PDE11A: variants seen among roughly 807,000 people sequenced by gnomAD.
PDE11A encodes dual 3',5'-cyclic-AMP and -GMP phosphodiesterase 11A.
In PDE11A, 100 loss-of-function variants were observed where a neutral mutation model predicts 100.5. The observed-to-expected ratio is 1.00, with a 90% CI of 0.85 to 1.18. The LOEUF (loss-of-function observed/expected upper bound fraction) is 1.18. Ranked by LOEUF, PDE11A falls within the 50% of genes most tolerant of loss-of-function variation. PDE11A has a pLI of 0.00. For synonymous variants in PDE11A, 381 were observed against 420.8 expected (o/e 0.91, Z 1.16); for missense variants, 1,141 against 1,152.6 (o/e 0.99, Z 0.15).
intron 12 of PDE11A, among the ~76,000 whole-genome samples, chr2:177,722,739 T>G (rs1208250495): frequency 1.3e-5 from 2 of 152,176 alleles, no homozygotes; most frequent in Non-Finnish European, 2.9e-5. Context: ...AATTAAAAAT[T>G]TGCCATCTTG....
chr2:177,984,380 G>T (rs2085917442), intron 2 of PDE11A, among the ~76,000 whole-genome samples: 1 of 152,170 alleles, frequency 6.6e-6, no homozygotes, highest in Admixed American at 6.5e-5. Flanking sequence ...AGATAGGGGT[G>T]AATGGCATAC....
chr2:178,108,277 T>TC (rs955979935), exon 1 of PDE11A: 1 of 152,198 alleles, frequency 6.6e-6, no homozygotes, highest in African/African-American at 2.4e-5. Context: ...CTGGCCAGAG[T>TC]CCACGCCTCA....
In PDE11A at chr2:177,711,920, C is replaced by T. The variant is rs372425317; in HGVS notation, c.2044-42G>A. 9.1e-5 allele frequency: 92 copies of T among 1,005,508 alleles called. 1 individual carries two copies. Among genetic ancestry groups the T allele is most frequent in the East Asian group, 7.9e-4 (33 of 41,820 alleles). The allele number at this position is 1,005,508 out of a possible 1,614,324, so 62.3% of individuals were successfully genotyped here. Reference sequence around the variant, plus strand: ...AATGGCAACAGTCACTACTGGGGTACGGAGGATGGATAAGGTTAGGTGCTG... The same window carrying T: ...AATGGCAACAGTCACTACTGGGGTATGGAGGATGGATAAGGTTAGGTGCTG... On this transcript the variant is annotated intron_variant, in intron 12 of 19. Coordinates refer to ENST00000286063, the MANE Select transcript of PDE11A (RefSeq NM_016953.4).
chr2:177,701,397 T>G (rs1238641820), intron 13 of PDE11A, among the ~76,000 whole-genome samples, 186 bp from the exon 14 acceptor site: 1 of 152,154 alleles, frequency 6.6e-6, no homozygotes, highest in African/African-American at 2.4e-5. Flanking sequence ...TATAAGAAAG[T>G]TCCTAATACA....
chr2:177,885,222 G>A lies in PDE11A; in HGVS notation c.1303-9299C>T, dbSNP rs148647153. 1.1e-4 allele frequency among the ~76,000 whole-genome samples: 16 copies of A among 151,798 alleles called. 1 individual carries two copies. The highest frequency in any genetic ancestry group is 3.4e-4 in the African/African-American group (14 of 41,336). Reference sequence around the variant, plus strand: ...TGTGAGTGTGTGTGTGTGTGTGTGTGTATATATAGTACTATATATGCACAT... The same window carrying A: ...TGTGAGTGTGTGTGTGTGTGTGTGTATATATATAGTACTATATATGCACAT... On this transcript the variant is annotated intron_variant, in intron 4 of 19. Transcript: ENST00000286063.
At chr2:177,761,138 A>C (rs1216720201) in intron 10 of PDE11A, among the ~76,000 whole-genome samples, 1 of 152,184 alleles carries the variant, frequency 6.6e-6, no homozygotes. Flanking sequence ...TTAAAGGGCA[A>C]GGGGCTTTTG....
At chr2:177,789,069 G>A (rs576492046) in intron 9 of PDE11A, among the ~76,000 whole-genome samples, 8 of 152,192 alleles carry the variant, frequency 5.3e-5, no homozygotes, top group South Asian at 2.1e-4. Context: ...TACCAAAGCC[G>A]GGCAGAGACA....
chr2:178,086,647 CAG>C (rs1431760693), intron 2 of PDE11A, among the ~76,000 whole-genome samples: 9 of 152,220 alleles, frequency 5.9e-5, no homozygotes, highest in Admixed American at 2.0e-4. Flanking sequence ...AAGATTAAAA[CAG>C]AAAGATTCCA....
chr2:177,889,792 T>A (rs1287335762), intron 4 of PDE11A, among the ~76,000 whole-genome samples: 2 of 152,170 alleles, frequency 1.3e-5, no homozygotes, highest in Non-Finnish European at 2.9e-5. Flanking sequence ...CTTTTGTATC[T>A]CTTTCTTGAA....
In PDE11A at chr2:177,818,946, C is replaced by A. The variant is rs561609848; in HGVS notation, c.1577-1021G>T. ...CACCAGGGAGGTAAGTCATCATATG[C>A]AAGAAGACATATATATATAAATAAT... On this transcript the variant is annotated intron_variant, in intron 7 of 19. Coordinates refer to ENST00000286063, the MANE Select transcript of PDE11A (RefSeq NM_016953.4). Among the ~76,000 whole-genome samples, 4 of 128,576 alleles carry A rather than the reference C, an allele frequency of 3.1e-5. No individual in the cohort carries two copies. In the South Asian group the frequency reaches 9.4e-4, roughly 30 times the overall value. 84.4% of individuals were successfully genotyped at this position (128,576 alleles called of 152,430 possible).
chr2:177,969,383 T>G (rs781055376), intron 2 of PDE11A, among the ~76,000 whole-genome samples: 2 of 152,114 alleles, frequency 1.3e-5, no homozygotes, highest in Admixed American at 6.5e-5. Context: ...TGTATACCTA[T>G]GTAACAAACC....
At chr2:178,071,432 T>C in intron 1 of PDE11A, 94 bp downstream of exon 1, 1 of 1,534,436 alleles carries the variant, frequency 6.5e-7, no homozygotes, top group East Asian at 2.3e-5. Context: ...GTAAAGAGCC[T>C]AAATTAATGT....
chr2:177,867,554 C>T (rs2084051935), intron 5 of PDE11A, among the ~76,000 whole-genome samples: 1 of 151,948 alleles, frequency 6.6e-6, no homozygotes, highest in South Asian at 2.1e-4. Flanking sequence ...ATGGTGAAAC[C>T]CCATCTCTAC....
intron 10 of PDE11A, among the ~76,000 whole-genome samples, chr2:177,751,004 T>C (rs1297392480): frequency 6.6e-6 from 1 of 152,138 alleles, no homozygotes; most frequent in African/African-American, 2.4e-5. Context: ...ATTGGTATTA[T>C]TTTCAAAGGC....
At chr2:177,794,385 G>T (rs181405400) in intron 9 of PDE11A, among the ~76,000 whole-genome samples, 1 of 152,296 alleles carries the variant, frequency 6.6e-6, no homozygotes, top group East Asian at 1.9e-4. Flanking sequence ...ATAACAGGAG[G>T]TCATAGAGGG....
intron 2 of PDE11A, among the ~76,000 whole-genome samples, chr2:177,990,693 G>T (rs1030976900): frequency 6.7e-6 from 1 of 149,054 alleles, no homozygotes; most frequent in South Asian, 2.1e-4. Flanking sequence ...AGCTGAGATC[G>T]CACCATTGCA....
intron 1 of PDE11A, among the ~76,000 whole-genome samples, chr2:178,017,282 G>T (rs1366790301): frequency 6.6e-6 from 1 of 152,170 alleles, no homozygotes; most frequent in Non-Finnish European, 1.5e-5. Context: ...CATCAATTAT[G>T]AAAATTAAAA....
intron 15 of PDE11A, among the ~76,000 whole-genome samples, chr2:177,688,734 G>GA (rs1239507201): frequency 1.3e-5 from 2 of 152,180 alleles, no homozygotes; most frequent in African/African-American, 4.8e-5. Context: ...GTCCCACTCA[G>GA]AAAAATAGCA....
chr2:177,680,746 G>T, intron 16 of PDE11A, 80 bp downstream of exon 16: 1 of 754,318 alleles, frequency 1.3e-6, no homozygotes, highest in Non-Finnish European at 2.4e-6. Context: ...TCACTTCTAT[G>T]CTCTTAGTAC....
Sources: allele counts gnomAD v4.1 joint callset (sites outside exome capture counted in the v4.1 genomes callset), GRCh38; gene constraint gnomAD v4.1.1; transcripts MANE v1.5; gene names NCBI Gene and HGNC (gene_info 2026-07-23, HGNC 2026-07-21).